Variants in ZNF704 observed in about 807,000 individuals in gnomAD.
ZNF704 encodes the protein zinc finger protein 704.
Under a neutral mutation model 44.7 loss-of-function variants are expected in ZNF704, and 10 were observed. That is an observed-to-expected ratio of 0.22 (90% CI 0.14 to 0.38). ZNF704 has a LOEUF of 0.38. Ranked by LOEUF, ZNF704 falls within the 10% of genes least tolerant of loss-of-function variation. The pLI, the probability that ZNF704 is intolerant of heterozygous loss-of-function variation, is 1.00. For missense variants in ZNF704, 390 were observed against 545.5 expected (o/e 0.71, Z 2.84); for synonymous variants, 211 against 207.6 (o/e 1.02, Z -0.14).
intron 1 of ZNF704, among the ~76,000 whole-genome samples, chr8:80,855,504 G>C (rs577743802): frequency 1.3e-5 from 2 of 152,254 alleles, no homozygotes; most frequent in South Asian, 4.2e-4. Context: ...TATCATAAGT[G>C]AAACAGGTCA....
At chr8:80,690,651 A>G (rs1426528370) in intron 3 of ZNF704, among the ~76,000 whole-genome samples, 1 of 152,236 alleles carries the variant, frequency 6.6e-6, no homozygotes, top group Non-Finnish European at 1.5e-5. Context: ...CCAGAAGAGC[A>G]GTCAGGTCAC....
At chr8:80,850,621 CATCTCATTCTCCACTTT>C (rs1278089518) in intron 1 of ZNF704, among the ~76,000 whole-genome samples, 4 of 152,156 alleles carry the variant, frequency 2.6e-5, no homozygotes, top group Non-Finnish European at 5.9e-5. Context: ...GAATGCCATT[CATCTCATTCTCCACTTT>C]ATAATCTCTC....
intron 4 of ZNF704, among the ~76,000 whole-genome samples, chr8:80,673,784 T>C (rs933584932): frequency 1.3e-5 from 2 of 152,178 alleles, no homozygotes; most frequent in African/African-American, 4.8e-5. Context: ...GCCTTAAGCA[T>C]GGCAAGCAGA....
chr8:80,645,346 A>T (rs1157997179), intron 7 of ZNF704, among the ~76,000 whole-genome samples: 1 of 152,224 alleles, frequency 6.6e-6, no homozygotes, highest in Non-Finnish European at 1.5e-5. Context: ...TCATGGGAAC[A>T]TTCCCCAAAC....
At chr8:80,828,805 G>T (rs999996801) in intron 1 of ZNF704, among the ~76,000 whole-genome samples, 1 of 152,192 alleles carries the variant, frequency 6.6e-6, no homozygotes. Context: ...TGAAATACAT[G>T]CATGCTGAAG....
chr8:80,834,617 C>T (rs189137130), intron 1 of ZNF704, among the ~76,000 whole-genome samples: 3 of 152,172 alleles, frequency 2.0e-5, no homozygotes, highest in Middle Eastern at 3.4e-3. Flanking sequence ...TGTACCTATC[C>T]GCCCGTCATC....
chr8:80,838,537 C>T (rs1808619873), intron 1 of ZNF704, among the ~76,000 whole-genome samples: 1 of 146,550 alleles, frequency 6.8e-6, no homozygotes, highest in Admixed American at 7.1e-5. Context: ...CACAAGAAAG[C>T]AGAGGAAACC....
rs919681796 is a variant in ZNF704 at position 80,631,816 on chromosome 8, A to G, written c.*9550T>C. 3.3e-5 allele frequency: 5 copies of G among 152,256 alleles called. No individual in the cohort carries two copies. The highest frequency in any genetic ancestry group is 2.6e-4 in the Admixed American group (4 of 15,282). The allele number at this position is 152,256 out of a possible 1,614,324, so 9.4% of individuals were successfully genotyped here. A position where few individuals can be genotyped will look rare whatever the true frequency, so the allele number is the denominator to read the frequency against. On this transcript the variant is annotated 3_prime_UTR_variant, in exon 9 of 9. Transcript: ENST00000327835. ...GGAATATTTCCCCCGAAGGGAGGGA[A>G]TAGCCACACTGACTGAGCCTTACAT...
intron 4 of ZNF704, among the ~76,000 whole-genome samples, chr8:80,675,789 G>A (rs1331400501): frequency 6.6e-6 from 1 of 152,132 alleles, no homozygotes; most frequent in African/African-American, 2.4e-5. Context: ...TGTATCAAAA[G>A]GAGATTGCAC....
At chr8:80,863,319 A>G (rs1809100775) in intron 1 of ZNF704, among the ~76,000 whole-genome samples, 1 of 152,248 alleles carries the variant, frequency 6.6e-6, no homozygotes, top group Non-Finnish European at 1.5e-5. Flanking sequence ...AAACTACATG[A>G]AAGCATTTAT....
intron 3 of ZNF704, among the ~76,000 whole-genome samples, chr8:80,688,069 G>C (rs2127688): frequency 6.6e-6 from 1 of 152,044 alleles, no homozygotes; most frequent in Non-Finnish European, 1.5e-5. Context: ...TTAGCCCGGC[G>C]TGGTGGCATG....
intron 2 of ZNF704, among the ~76,000 whole-genome samples, chr8:80,719,145 T>C (rs1157207642): frequency 2.6e-5 from 4 of 152,228 alleles, no homozygotes; most frequent in Non-Finnish European, 5.9e-5. Context: ...TTTTAAATTT[T>C]TTAATTTTTT....
At position 80,732,104 on chromosome 8, in the gene ZNF704, G is replaced by A. The variant is rs536818156; in HGVS notation, c.222-38997C>T. ...AAGGCTTCCTGAATTTGTGCCTTGA[G>A]ATTTTTCATTGGTTTTGGAAGGTTT... On this transcript the variant is annotated intron_variant, in intron 2 of 8. Transcript: ENST00000327835. 2.0e-5 allele frequency among the ~76,000 whole-genome samples: 3 copies of A among 152,282 alleles called. No individual in the cohort carries two copies. The South Asian group carries it at 6.2e-4, about 32-fold the overall frequency.
At chr8:80,711,218 C>T (rs532571958) in intron 2 of ZNF704, among the ~76,000 whole-genome samples, 1 of 152,320 alleles carries the variant, frequency 6.6e-6, no homozygotes, top group South Asian at 2.1e-4. Context: ...TAGTGACAGA[C>T]ATCAGAGGCT....
intron 1 of ZNF704, among the ~76,000 whole-genome samples, chr8:80,843,067 T>G (rs964692184): frequency 6.6e-6 from 1 of 152,238 alleles, no homozygotes; most frequent in African/African-American, 2.4e-5. Flanking sequence ...CTGCTAACGA[T>G]GTAGAAGATA....
At chr8:80,809,643 T>C (rs953033202) in intron 2 of ZNF704, among the ~76,000 whole-genome samples, 1 of 152,176 alleles carries the variant, frequency 6.6e-6, no homozygotes, top group African/African-American at 2.4e-5. Flanking sequence ...TGTAGAGAAG[T>C]AGTTACATAT....
At chr8:80,720,624 G>C (rs559910049) in intron 2 of ZNF704, among the ~76,000 whole-genome samples, 26 of 152,342 alleles carry the variant, frequency 1.7e-4, no homozygotes, top group South Asian at 8.3e-4. Context: ...GCAGCAGCAA[G>C]AGCTGTCAAA....
chr8:80,794,639 G>A (rs1426252803), intron 2 of ZNF704, among the ~76,000 whole-genome samples: 1 of 152,184 alleles, frequency 6.6e-6, no homozygotes, highest in African/African-American at 2.4e-5. Flanking sequence ...TCTAGATGAA[G>A]GAGATCAAAC....
chr8:80,699,773 C>T (rs937109643), intron 2 of ZNF704, among the ~76,000 whole-genome samples: 17 of 152,160 alleles, frequency 1.1e-4, no homozygotes, highest in African/African-American at 4.1e-4. Flanking sequence ...AAGACTCCCT[C>T]CTGTCCCTCT....
Sources: allele counts gnomAD v4.1 joint callset (sites outside exome capture counted in the v4.1 genomes callset), GRCh38; gene constraint gnomAD v4.1.1; transcripts MANE v1.5; gene names NCBI Gene and HGNC (gene_info 2026-07-23, HGNC 2026-07-21).